GRID2: variants seen among roughly 807,000 people sequenced by gnomAD.
GRID2 encodes the protein glutamate receptor ionotropic, delta-2.
GRID2 carries 33 observed loss-of-function variants against 114.8 expected under a neutral mutation model. That is an observed-to-expected ratio of 0.29 (90% CI 0.22 to 0.38). GRID2 has a LOEUF of 0.38. Among genes scored for constraint, GRID2 ranks in the 10% least tolerant of loss-of-function variants. The pLI, the probability that GRID2 is intolerant of heterozygous loss-of-function variation, is 1.00. For synonymous variants in GRID2, 505 were observed against 449.9 expected (o/e 1.12, Z -1.55); for missense variants, 1,184 against 1,257.7 (o/e 0.94, Z 0.89).
intron 9 of GRID2, among the ~76,000 whole-genome samples, chr4:93,406,076 C>A (rs1766381818): frequency 6.6e-6 from 1 of 151,978 alleles, no homozygotes; most frequent in Admixed American, 6.6e-5. Flanking sequence ...TAAATAACTT[C>A]TTCAAGTTAC....
chr4:92,700,500 T>A (rs1001186904), intron 2 of GRID2, among the ~76,000 whole-genome samples: 6 of 152,188 alleles, frequency 3.9e-5, no homozygotes, highest in Non-Finnish European at 5.9e-5. Flanking sequence ...AGTAGGCATT[T>A]TAAAACCTAA....
intron 4 of GRID2, among the ~76,000 whole-genome samples, chr4:93,163,453 G>A (rs925626914): frequency 1.4e-5 from 2 of 140,236 alleles, no homozygotes; most frequent in Non-Finnish European, 3.0e-5. Flanking sequence ...AAATAGAGAC[G>A]AGGTCTTGCC....
intron 2 of GRID2, among the ~76,000 whole-genome samples, chr4:92,862,175 AT>A (rs1744575940): frequency 6.6e-6 from 1 of 152,114 alleles, no homozygotes; most frequent in East Asian, 1.9e-4. Context: ...CCTTTCTAAC[AT>A]TTTGGGACAA....
chr4:93,161,724 C>A lies in GRID2; in HGVS notation c.736-45680C>A, dbSNP rs889776077. On this transcript the variant is annotated intron_variant, in intron 4 of 15. Transcript: ENST00000282020. ...TTTATGTGACTGAAACTATCATCTC[C>A]AATTCCAGTTTGCCTTATAAGTTTT... Among the ~76,000 whole-genome samples, 4 of 151,694 alleles carry A rather than the reference C, an allele frequency of 2.6e-5. No homozygotes were observed. The Admixed American group carries it at 2.6e-4, about 10-fold the overall frequency.
At chr4:93,210,785 C>T (rs1743374710) in intron 5 of GRID2, among the ~76,000 whole-genome samples, 1 of 151,832 alleles carries the variant, frequency 6.6e-6, no homozygotes, top group Non-Finnish European at 1.5e-5. Flanking sequence ...TTTCTACTGC[C>T]TCAGTTATAA....
intron 8 of GRID2, among the ~76,000 whole-genome samples, chr4:93,385,887 T>C (rs1348023289): frequency 6.6e-6 from 1 of 152,170 alleles, no homozygotes; most frequent in African/African-American, 2.4e-5. Context: ...TCTTTACTTC[T>C]TTATCTGTCT....
At chr4:93,400,485 A>G (rs1190059281) in intron 9 of GRID2, among the ~76,000 whole-genome samples, 1 of 152,108 alleles carries the variant, frequency 6.6e-6, no homozygotes, top group African/African-American at 2.4e-5. Context: ...TTCCTGAGTT[A>G]TGCAATGTAG....
At chr4:93,157,466 G>A (rs899712342) in intron 4 of GRID2, among the ~76,000 whole-genome samples, 1 of 151,586 alleles carries the variant, frequency 6.6e-6, no homozygotes, top group Non-Finnish European at 1.5e-5. Context: ...GTGCAAATAT[G>A]AGAGCATGTA....
chr4:93,620,293 G>A (rs569655493), intron 13 of GRID2, among the ~76,000 whole-genome samples: 1 of 152,268 alleles, frequency 6.6e-6, no homozygotes, highest in Non-Finnish European at 1.5e-5. Flanking sequence ...CCCACTGAAT[G>A]TTTTTTAATA....
At chr4:92,632,491 G>A (rs960514745) in intron 2 of GRID2, among the ~76,000 whole-genome samples, 2 of 151,976 alleles carry the variant, frequency 1.3e-5, no homozygotes, top group African/African-American at 4.8e-5. Context: ...AAATGAGCTG[G>A]TCATAGTGGC....
At chr4:93,255,084 G>C (rs1482965942) in intron 8 of GRID2, among the ~76,000 whole-genome samples, 1 of 151,888 alleles carries the variant, frequency 6.6e-6, no homozygotes, top group Admixed American at 6.6e-5. Flanking sequence ...TTTTCTTATA[G>C]CTTATAGCTC....
At chr4:93,593,978 A>C (rs993369266) in intron 13 of GRID2, among the ~76,000 whole-genome samples, 4 of 151,706 alleles carry the variant, frequency 2.6e-5, no homozygotes, top group Admixed American at 2.6e-4. Context: ...CAAAGTTTTC[A>C]ACTTCTTTGC....
At chr4:92,576,669 C>A (rs1400529278) in intron 1 of GRID2, among the ~76,000 whole-genome samples, 1 of 152,140 alleles carries the variant, frequency 6.6e-6, no homozygotes, top group Non-Finnish European at 1.5e-5. Flanking sequence ...GTGTGTCAGA[C>A]ACTGGTGGCA....
intron 2 of GRID2, among the ~76,000 whole-genome samples, chr4:93,022,645 A>C (rs796685461): frequency 1.3e-5 from 2 of 152,108 alleles, no homozygotes; most frequent in African/African-American, 2.4e-5. Context: ...ATTGCATCTT[A>C]ATTTACCCTT....
intron 8 of GRID2, among the ~76,000 whole-genome samples, chr4:93,378,078 G>A (rs992968024): frequency 1.3e-5 from 2 of 151,996 alleles, no homozygotes; most frequent in African/African-American, 2.4e-5. Context: ...TACAGTTCCA[G>A]GTGTGTCATG....
intron 2 of GRID2, among the ~76,000 whole-genome samples, chr4:93,084,539 A>G (rs1479171975): frequency 6.6e-6 from 1 of 152,156 alleles, no homozygotes; most frequent in Non-Finnish European, 1.5e-5. Context: ...CTTTCTGTTT[A>G]TTCACCGGTT....
At chr4:93,157,165 G>C (rs531643458) in intron 4 of GRID2, among the ~76,000 whole-genome samples, 1 of 151,728 alleles carries the variant, frequency 6.6e-6, no homozygotes, top group Admixed American at 6.6e-5. Flanking sequence ...AGAAAATGTA[G>C]ATTTCAACCT....
In GRID2 at chr4:92,942,478, G is replaced by A. The variant is rs1578549349; in HGVS notation, c.245-142517G>A. Among the ~76,000 whole-genome samples, 5 of 152,208 alleles carry A rather than the reference G, an allele frequency of 3.3e-5. No individual in the cohort carries two copies. In the South Asian group the frequency reaches 8.3e-4, roughly 25 times the overall value. On this transcript the variant is annotated intron_variant, in intron 2 of 15. Coordinates refer to ENST00000282020, the MANE Select transcript of GRID2 (RefSeq NM_001510.4). ...CTGTGTGTGTCTCTGCATGTGAGGTGGGTTTCCTGAATACAGCACACTGAT... is the reference window on the plus strand; with the variant it reads ...CTGTGTGTGTCTCTGCATGTGAGGTAGGTTTCCTGAATACAGCACACTGAT...
At chr4:92,858,621 G>A (rs934447025) in intron 2 of GRID2, among the ~76,000 whole-genome samples, 9 of 152,076 alleles carry the variant, frequency 5.9e-5, no homozygotes, top group African/African-American at 2.2e-4. Context: ...GCAGTGGTGC[G>A]ATCTCACCTC....
Sources: allele counts gnomAD v4.1 joint callset (sites outside exome capture counted in the v4.1 genomes callset), GRCh38; gene constraint gnomAD v4.1.1; transcripts MANE v1.5; gene names NCBI Gene and HGNC (gene_info 2026-07-23, HGNC 2026-07-21).